The following CEP68 variants were observed in gnomAD, a reference collection of about 807,000 sequenced individuals.
CEP68 encodes the protein centrosomal protein 68.
Under a neutral mutation model 55.3 loss-of-function variants are expected in CEP68, and 26 were observed. The observed-to-expected ratio is 0.47, with a 90% CI of 0.34 to 0.65. CEP68 has a LOEUF of 0.65. CEP68 is among the 30% of genes least tolerant of loss of function. The probability of loss-of-function intolerance (pLI) is 0.01; values close to 1 mark genes in which losing one functional copy is unlikely to be tolerated. For missense variants in CEP68, 957 were observed against 946.7 expected (o/e 1.01, Z -0.14); for synonymous variants, 402 against 383.2 (o/e 1.05, Z -0.57).
chr2:65,069,808 A>T lies in CEP68; in HGVS notation c.357+7A>T. 6.2e-7 allele frequency: 1 copy of T among 1,611,828 alleles called. No individual in the cohort carries two copies. The highest frequency in any genetic ancestry group is 8.5e-7 in the Non-Finnish European group (1 of 1,178,324). ...GCTCTCCGGGGAAAGCCAGGTAGGTACTAAGGCAAGACTGTAGATGGACCC... is the reference window on the plus strand; with the variant it reads ...GCTCTCCGGGGAAAGCCAGGTAGGTTCTAAGGCAAGACTGTAGATGGACCC... On this transcript the variant is annotated splice_region_variant and intron_variant, in intron 2 of 6. Transcript: ENST00000377990.
At chr2:65,074,728 C>T in intron 4 of CEP68, 1 of 362,870 alleles carries the variant, frequency 2.8e-6, no homozygotes, top group Non-Finnish European at 5.3e-6. Context: ...TTGCTTGAGC[C>T]CAGGAGTTCG....
intron 5 of CEP68, chr2:65,080,558 C>T (rs1676963621): frequency 1.1e-5 from 11 of 984,194 alleles, no homozygotes; most frequent in Non-Finnish European, 1.2e-5. Context: ...GTGGCTCACG[C>T]CTGTAATCTC....
At chr2:65,065,546 G>A (rs977539511) in intron 1 of CEP68, among the ~76,000 whole-genome samples, 1 of 152,166 alleles carries the variant, frequency 6.6e-6, no homozygotes, top group African/African-American at 2.4e-5. Context: ...ATAAATAAGA[G>A]TTAAGCTCCT....
chr2:65,080,732 C>G (rs1310690109), intron 5 of CEP68, among the ~76,000 whole-genome samples: 1 of 152,060 alleles, frequency 6.6e-6, no homozygotes, highest in South Asian at 2.1e-4. Flanking sequence ...GCAGGAGAGT[C>G]GCTTGAACCC....
chr2:65,073,051 T>A, intron 3 of CEP68, 71 bp downstream of exon 3: 1 of 1,521,984 alleles, frequency 6.6e-7, no homozygotes, highest in Non-Finnish European at 9.1e-7. Context: ...ACTAACATCA[T>A]AATAAAACAT....
intron 1 of CEP68, among the ~76,000 whole-genome samples, chr2:65,062,040 A>G (rs937785686): frequency 6.6e-6 from 1 of 152,108 alleles, no homozygotes; most frequent in African/African-American, 2.4e-5. Flanking sequence ...GGCAATTATC[A>G]CTTATTCCTG....
Position 65,086,118 on chromosome 2 carries a change from G to C in CEP68, c.*2484G>C, listed in dbSNP as rs954489123. The C allele has an allele frequency of 2.0e-5, 3 of 152,178 alleles. No individual in the cohort carries two copies. The allele number at this position is 152,178 out of a possible 1,614,324, so 9.4% of individuals were successfully genotyped here. ...AGCTTAGGTGGGAATGGAACACAAAGAAGGTTTGAGGTAAGATATGCTGGA... is the reference window on the plus strand; with the variant it reads ...AGCTTAGGTGGGAATGGAACACAAACAAGGTTTGAGGTAAGATATGCTGGA... On this transcript the variant is annotated 3_prime_UTR_variant, in exon 7 of 7. Coordinates refer to ENST00000377990, the MANE Select transcript of CEP68 (RefSeq NM_015147.3).
chr2:65,061,079 A>G (rs566338238), intron 1 of CEP68, among the ~76,000 whole-genome samples: 27 of 152,280 alleles, frequency 1.8e-4, no homozygotes, highest in Admixed American at 1.4e-3. Context: ...CAGGAGACTG[A>G]GGCAGGAGAA....
chr2:65,079,808 C>A (rs1009379695), intron 5 of CEP68, among the ~76,000 whole-genome samples: 4 of 152,172 alleles, frequency 2.6e-5, no homozygotes, highest in African/African-American at 7.2e-5. Context: ...GAGGCCTGAG[C>A]GGCTCCTCTC....
chr2:65,073,772 C>T (rs1676624115), intron 3 of CEP68: 1 of 161,620 alleles, frequency 6.2e-6, no homozygotes, highest in Non-Finnish European at 1.4e-5. Context: ...TTCACCTTCC[C>T]AGGAGGTGAC....
At chr2:65,073,933 C>T in intron 3 of CEP68, 1 of 212,314 alleles carries the variant, frequency 4.7e-6, no homozygotes, top group Non-Finnish European at 9.5e-6. Context: ...TTCACTTTTC[C>T]AGAGAAACAT....
intron 1 of CEP68, among the ~76,000 whole-genome samples, chr2:65,056,896 G>T (rs1027040025): frequency 1.6e-4 from 24 of 152,142 alleles, no homozygotes; most frequent in African/African-American, 7.2e-5. Flanking sequence ...CCTGGGCCCC[G>T]GGGGAGGTCA....
chr2:65,086,250 G>A lies in CEP68; in HGVS notation c.*2616G>A, dbSNP rs1193441652. Reference sequence around the variant, plus strand: ...CTGAAAGGATTTCACAGAGTGTGCAGCTGCTTAGATTTAAGAACACTCTTC... The same window carrying A: ...CTGAAAGGATTTCACAGAGTGTGCAACTGCTTAGATTTAAGAACACTCTTC... On this transcript the variant is annotated 3_prime_UTR_variant, in exon 7 of 7. Coordinates refer to ENST00000377990, the MANE Select transcript of CEP68 (RefSeq NM_015147.3). 6.6e-6 allele frequency: 1 copy of A among 152,220 alleles called. No individual in the cohort carries two copies. Among genetic ancestry groups the A allele is most frequent in the Non-Finnish European group, 1.5e-5 (1 of 68,040 alleles). 9.4% of individuals were successfully genotyped at this position (152,220 alleles called of 1,614,324 possible). A position where few individuals can be genotyped will look rare whatever the true frequency, so the allele number is the denominator to read the frequency against.
intron 4 of CEP68, chr2:65,075,024 C>G (rs1308438035): frequency 6.4e-6 from 1 of 157,154 alleles, no homozygotes; most frequent in African/African-American, 2.4e-5. Context: ...ACACTTCCAT[C>G]ACCACATAAA....
In CEP68 at chr2:65,082,675, G is replaced by A. The variant is rs1264975046; in HGVS notation, c.2244G>A (p.Ala748=). 6.9e-6 allele frequency: 11 copies of A among 1,604,130 alleles called. No individual in the cohort carries two copies. Among genetic ancestry groups the A allele is most frequent in the South Asian group, 1.1e-5 (1 of 89,796 alleles). ...TTATCCCTGACAAAAAGCCCATGGC[G>A]GCAATGGAGCACCCATGTGAAGGGG... is the stretch of plus-strand genomic sequence containing the variant. ...CTLIPDKKPM[A]AMEHPCEGV Residue 748 remains alanine (A), a synonymous_variant, in exon 6 of 7, where the codon GCG becomes GCA. Transcript: ENST00000377990.
In CEP68 at chr2:65,082,684, G is replaced by A. The variant is rs1319520349; in HGVS notation, c.2253G>A (p.Glu751=). ...ACAAAAAGCCCATGGCGGCAATGGA[G>A]CACCCATGTGAAGGGGTTTAACCTG... ...IPDKKPMAAM[E]HPCEGV is the part of the protein sequence containing the mutation. The change falls in exon 6 of 7, where the codon GAG becomes GAA. Residue 751 remains glutamate (E), a synonymous_variant. Coordinates refer to ENST00000377990, the MANE Select transcript of CEP68 (RefSeq NM_015147.3). The A allele has an allele frequency of 8.1e-6, 13 of 1,599,164 alleles. No individual in the cohort carries two copies. The South Asian group carries it at 1.3e-4, about 17-fold the overall frequency.
chr2:65,080,555 A>G, intron 5 of CEP68: 2 of 984,724 alleles, frequency 2.0e-6, no homozygotes, highest in Non-Finnish European at 2.4e-6. Context: ...GCAGTGGCTC[A>G]CGCCTGTAAT....
At chr2:65,062,827 A>G (rs940229109) in intron 1 of CEP68, among the ~76,000 whole-genome samples, 1 of 138,592 alleles carries the variant, frequency 7.2e-6, no homozygotes, top group Non-Finnish European at 1.6e-5. Flanking sequence ...ACAGAGCGAG[A>G]CTCTATCTCA....
intron 1 of CEP68, among the ~76,000 whole-genome samples, chr2:65,066,319 GGGC>G (rs1335475733): frequency 6.6e-6 from 1 of 152,182 alleles, no homozygotes; most frequent in Non-Finnish European, 1.5e-5. Context: ...TGGACCGGCT[GGGC>G]GGTGTGGCTT....
Sources: allele counts gnomAD v4.1 joint callset (sites outside exome capture counted in the v4.1 genomes callset), GRCh38; gene constraint gnomAD v4.1.1; transcripts MANE v1.5; gene names NCBI Gene and HGNC (gene_info 2026-07-23, HGNC 2026-07-21).